The following ACAD10 variants were observed in gnomAD, a reference collection of about 807,000 sequenced individuals.
ACAD10 encodes the protein ACAD-10.
ACAD10 carries 112 observed loss-of-function variants against 116.8 expected under a neutral mutation model. The ratio of observed to expected loss-of-function variants is 0.96; its 90% CI spans 0.82 to 1.12. The LOEUF is 1.12. Among genes scored for constraint, ACAD10 ranks in the 50% most tolerant of loss-of-function variants. ACAD10 has a pLI of 0.00. For missense variants in ACAD10, 1,259 were observed against 1,350.2 expected (o/e 0.93, Z 1.06); for synonymous variants, 486 against 510.6 (o/e 0.95, Z 0.65).
rs1419265218 is a variant in ACAD10 at position 111,712,606 on chromosome 12, A to G, written c.799A>G (p.Lys267Glu). The change falls in exon 6 of 21, where the codon AAA becomes GAA. Residue 267 changes from lysine (K) to glutamate (E), a missense_variant. Lys to Glu is a moderately conservative substitution (Grantham distance 56). Coordinates refer to ENST00000313698, the MANE Select transcript of ACAD10 (RefSeq NM_025247.6). ...RPVKKTMEIP[K>E]DSLQKYLKDL... ...TGTGAAAAAGACGATGGAAATTCCGAAAGATTCCTTGCAGAAGTACCTCAA... is the reference window on the plus strand; with the variant it reads ...TGTGAAAAAGACGATGGAAATTCCGGAAGATTCCTTGCAGAAGTACCTCAA... 6.2e-7 allele frequency: 1 copy of G among 1,614,166 alleles called. No individual in the cohort carries two copies. The highest frequency in any genetic ancestry group is 8.5e-7 in the Non-Finnish European group (1 of 1,180,020).
intron 11 of ACAD10, 136 bp downstream of exon 11, chr12:111,734,204 A>T: frequency 8.1e-7 from 1 of 1,237,118 alleles, no homozygotes; most frequent in Non-Finnish European, 1.1e-6. Flanking sequence ...GGGAAACATA[A>T]CTAGAATGCA....
At chr12:111,701,064 T>C (rs1888335837) in intron 2 of ACAD10, among the ~76,000 whole-genome samples, 1 of 152,098 alleles carries the variant, frequency 6.6e-6, no homozygotes, top group Non-Finnish European at 1.5e-5. Flanking sequence ...CAGCCTACTT[T>C]CTTTTGCATA....
intron 18 of ACAD10, among the ~76,000 whole-genome samples, chr12:111,750,086 G>GT (rs1427675048): frequency 3.5e-5 from 5 of 141,998 alleles, no homozygotes; most frequent in East Asian, 3.4e-4. Context: ...AAAAGAAAAA[G>GT]TTTTTTTTGT....
Position 111,756,731 on chromosome 12 carries a change from G to A in ACAD10, c.*258G>A. 1 of 650,770 alleles carries A rather than the reference G, an allele frequency of 1.5e-6. No individual in the cohort carries two copies. The highest frequency in any genetic ancestry group is 3.3e-5 in the East Asian group (1 of 30,352). 40.3% of individuals were successfully genotyped at this position (650,770 alleles called of 1,614,324 possible). A position where few individuals can be genotyped will look rare whatever the true frequency, so the allele number is the denominator to read the frequency against. On this transcript the variant is annotated 3_prime_UTR_variant, in exon 21 of 21. Coordinates refer to ENST00000313698, the MANE Select transcript of ACAD10 (RefSeq NM_025247.6). ...GTTCTGGGACAGAGTCTGGAAAGCT[G>A]GTCTTCAGGCTCTCAGTCCCAGGCT...
At chr12:111,739,098 T>G (rs959908108) in intron 12 of ACAD10, among the ~76,000 whole-genome samples, 2 of 152,168 alleles carry the variant, frequency 1.3e-5, no homozygotes, top group African/African-American at 4.8e-5. Flanking sequence ...TCTAGAGAAG[T>G]ATCCTGGACA....
At chr12:111,697,165 C>T (rs976555733) in intron 2 of ACAD10, among the ~76,000 whole-genome samples, 8 of 151,434 alleles carry the variant, frequency 5.3e-5, no homozygotes, top group Non-Finnish European at 1.2e-4. Context: ...TGCTGGAACT[C>T]GGGAGGCAGA....
At chr12:111,698,654 T>G (rs1888262833) in intron 2 of ACAD10, among the ~76,000 whole-genome samples, 1 of 151,694 alleles carries the variant, frequency 6.6e-6, no homozygotes, top group Admixed American at 6.6e-5. Context: ...ATTTTGTATT[T>G]TTAGTAGAGA....
intron 20 of ACAD10, chr12:111,755,963 G>A: frequency 1.4e-6 from 1 of 700,756 alleles, no homozygotes; most frequent in South Asian, 1.8e-5. Flanking sequence ...GCACAGAAAA[G>A]TGAAGTGACT....
intron 6 of ACAD10, among the ~76,000 whole-genome samples, chr12:111,714,019 C>T (rs908305356): frequency 2.6e-5 from 4 of 151,780 alleles, no homozygotes; most frequent in African/African-American, 7.3e-5. Flanking sequence ...CCGAGATGGG[C>T]GGATCATCTG....
intron 12 of ACAD10, among the ~76,000 whole-genome samples, chr12:111,743,676 A>C: frequency 6.6e-6 from 1 of 151,880 alleles, no homozygotes; most frequent in East Asian, 1.9e-4. Context: ...TTACCCAACT[A>C]TGGATTTGTT....
At chr12:111,698,637 CT>C (rs1213808179) in intron 2 of ACAD10, among the ~76,000 whole-genome samples, 1 of 151,778 alleles carries the variant, frequency 6.6e-6, no homozygotes, top group Non-Finnish European at 1.5e-5. Context: ...ACCACCACCC[CT>C]GGCTAATTTT....
At chr12:111,751,533 C>T (rs1231702289) in intron 18 of ACAD10, among the ~76,000 whole-genome samples, 1 of 151,878 alleles carries the variant, frequency 6.6e-6, no homozygotes, top group East Asian at 1.9e-4. Context: ...GAGTTTAAGA[C>T]CAGCCTCGCC....
chr12:111,742,686 C>G (rs1889777434), intron 12 of ACAD10, among the ~76,000 whole-genome samples: 3 of 151,938 alleles, frequency 2.0e-5, no homozygotes, highest in Admixed American at 2.0e-4. Context: ...GTAGTAAGGC[C>G]CCATCTCTTA....
At chr12:111,755,817 G>A (rs747490883) in intron 20 of ACAD10, 72 bp downstream of exon 20, 11 of 1,447,772 alleles carry the variant, frequency 7.6e-6, no homozygotes, top group South Asian at 3.4e-5. Context: ...ATCTTCAGCC[G>A]CCCAGCCTCC....
chr12:111,748,590 T>A, intron 17 of ACAD10, 115 bp downstream of exon 17: 6 of 1,196,550 alleles, frequency 5.0e-6, no homozygotes, highest in Non-Finnish European at 7.1e-6. Context: ...GAGGGTATGA[T>A]GACATTTGGA....
chr12:111,731,390 TG>T (rs1889381001), intron 10 of ACAD10, among the ~76,000 whole-genome samples: 1 of 152,246 alleles, frequency 6.6e-6, no homozygotes. Flanking sequence ...CTAGAGCACT[TG>T]CCTGACAACA....
At chr12:111,743,372 T>G (rs7304746) in intron 12 of ACAD10, among the ~76,000 whole-genome samples, 12,233 of 150,932 alleles carry the variant, frequency 0.081, 1,659 homozygotes, top group African/African-American at 0.28. Flanking sequence ...ATATTCTGTT[T>G]TTTTTTTTTT....
intron 2 of ACAD10, 111 bp downstream of exon 2, chr12:111,693,007 C>T (rs1290592410): frequency 6.4e-6 from 8 of 1,253,286 alleles, no homozygotes; most frequent in Non-Finnish European, 7.7e-6. Flanking sequence ...CCCAGCAGGC[C>T]ATGCTCTGGC....
intron 1 of ACAD10, among the ~76,000 whole-genome samples, chr12:111,690,804 T>G: frequency 6.7e-6 from 1 of 149,220 alleles, no homozygotes; most frequent in African/African-American, 2.6e-5. Flanking sequence ...AAAAAAGAGT[T>G]TCTGATTTTG....
Sources: gnomAD v4.1 joint callset for allele counts (sites outside exome capture counted in the v4.1 genomes callset) on GRCh38, gnomAD v4.1.1 for gene constraint, MANE v1.5 for transcripts, NCBI Gene and HGNC (gene_info 2026-07-23, HGNC 2026-07-21) for gene names.